Variants in KIAA1217 observed in about 807,000 individuals in gnomAD.
KIAA1217 encodes KIAA1217, also known as sickle tail protein homolog.
A neutral mutation model predicts 163.9 loss-of-function variants in KIAA1217; 88 were observed. The ratio of observed to expected loss-of-function variants is 0.54; its 90% confidence interval spans 0.45 to 0.64. KIAA1217 has a LOEUF of 0.64. Ranked by LOEUF, KIAA1217 falls within the 30% of genes least tolerant of loss-of-function variation. The probability of loss-of-function intolerance (pLI) is 0.00; values close to 1 mark genes in which losing one functional copy is unlikely to be tolerated. For missense variants in KIAA1217, 2,372 were observed against 2,475.0 expected (o/e 0.96, Z 0.88); for synonymous variants, 903 against 923.1 (o/e 0.98, Z 0.39).
chr10:24,479,137 ACTTAGCAGAACCTT>A (rs2064358992), intron 6 of KIAA1217, among the ~76,000 whole-genome samples: 1 of 152,220 alleles, frequency 6.6e-6, no homozygotes, highest in Non-Finnish European at 1.5e-5. Context: ...GGCATGGTAG[ACTTAGCAGAACCTT>A]CTGTGTACAG....
At chr10:24,178,038 A>T (rs2065992480) in intron 2 of KIAA1217, among the ~76,000 whole-genome samples, 1 of 152,194 alleles carries the variant, frequency 6.6e-6, no homozygotes, top group African/African-American at 2.4e-5. Context: ...AGTAACACCG[A>T]TGTACAGCTA....
rs34205608 is a variant in KIAA1217 at position 24,141,225 on chromosome 10, ACC to A, written c.-170-78390_-170-78389del. ...CTCTTAATGCTCAGAGAAAGAATAA[ACC>A]CCCCCCCCCCATTTCTCTCTTCTTT... is the stretch of plus-strand genomic sequence containing the variant. On this transcript the variant is annotated intron_variant, in intron 2 of 18. Transcript: ENST00000376462. 1.2e-3 allele frequency among the ~76,000 whole-genome samples: 94 copies of A among 76,294 alleles called. 2 individuals are homozygous for A. Among genetic ancestry groups the A allele is most frequent in the African/African-American group, 3.4e-3 (74 of 22,082 alleles). The allele number at this position is 76,294 out of a possible 152,430, so 50.1% of individuals were successfully genotyped here.
In KIAA1217 at chr10:24,546,402, G is replaced by C; in HGVS notation, c.*78G>C. Reference sequence around the variant, plus strand: ...GTCTACAACAACTGTTTTCACAAGAGAATGTAACATATTGCTGTATCGTTT... The same window carrying C: ...GTCTACAACAACTGTTTTCACAAGACAATGTAACATATTGCTGTATCGTTT... On this transcript the variant is annotated 3_prime_UTR_variant, in exon 21 of 21. Transcript: ENST00000376454. 1 of 1,360,572 alleles carries C rather than the reference G, an allele frequency of 7.3e-7. No individual in the cohort carries two copies. Among genetic ancestry groups the C allele is most frequent in the South Asian group, 1.4e-5 (1 of 69,162 alleles). 84.3% of individuals were successfully genotyped at this position (1,360,572 alleles called of 1,614,324 possible). A position where few individuals can be genotyped will look rare whatever the true frequency, so the allele number is the denominator to read the frequency against.
chr10:23,994,586 G>A (rs1201039950), intron 1 of KIAA1217, among the ~76,000 whole-genome samples: 1 of 152,182 alleles, frequency 6.6e-6, no homozygotes, highest in Non-Finnish European at 1.5e-5. Context: ...CGCTGTGGAA[G>A]CCAAGATCAT....
At chr10:23,975,982 T>A (rs190281809) in intron 1 of KIAA1217, among the ~76,000 whole-genome samples, 2 of 152,298 alleles carry the variant, frequency 1.3e-5, no homozygotes. Context: ...TAGGGACTGC[T>A]CTTGTTAGCA....
At chr10:23,803,170 A>G (rs1836555595) in intron 1 of KIAA1217, among the ~76,000 whole-genome samples, 1 of 152,148 alleles carries the variant, frequency 6.6e-6, no homozygotes, top group Non-Finnish European at 1.5e-5. Context: ...AGAAGACTGG[A>G]TTTATAATTT....
At chr10:24,369,179 A>ATGTCTGTGTG (rs2051211114) in intron 2 of KIAA1217, among the ~76,000 whole-genome samples, 3 of 139,530 alleles carry the variant, frequency 2.2e-5, no homozygotes, top group Middle Eastern at 3.4e-3. Context: ...AACTTTCACT[A>ATGTCTGTGTG]TGTGTGTGTG....
intron 2 of KIAA1217, among the ~76,000 whole-genome samples, chr10:24,148,952 C>A (rs1356892991): frequency 6.6e-6 from 1 of 152,106 alleles, no homozygotes; most frequent in African/African-American, 2.4e-5. Flanking sequence ...ATGGAAACTT[C>A]TGTGAGTTTT....
intron 2 of KIAA1217, among the ~76,000 whole-genome samples, chr10:24,350,512 C>G (rs2048327204): frequency 6.6e-6 from 1 of 152,276 alleles, no homozygotes; most frequent in African/African-American, 2.4e-5. Context: ...TGTTGATTAT[C>G]TGCTTTTGAT....
rs779250451 is a variant in KIAA1217 at position 24,380,889 on chromosome 10, T to A, written c.375T>A (p.Ser125=). Residue 125 remains serine, a synonymous_variant, in exon 3 of 21, where the codon TCT becomes TCA. Coordinates refer to ENST00000376454, the MANE Select transcript of KIAA1217 (RefSeq NM_019590.5). Reference sequence around the variant, plus strand: ...TGCAGACAAGGAGCCCCAAACTGTCTCACAGTCCTCAACCACCCAGTCTGG... The same window carrying A: ...TGCAGACAAGGAGCCCCAAACTGTCACACAGTCCTCAACCACCCAGTCTGG... ...LRDQTRSPKL[S]HSPQPPSLGD... 8.2e-5 allele frequency: 128 copies of A among 1,566,302 alleles called. 1 individual carries two copies. In the East Asian group the frequency reaches 2.9e-3, roughly 35 times the overall value.
chr10:23,914,393 C>T (rs181417686), intron 1 of KIAA1217, among the ~76,000 whole-genome samples: 11 of 152,288 alleles, frequency 7.2e-5, no homozygotes, highest in African/African-American at 2.6e-4. Context: ...TAGCTCACTG[C>T]AGCCTCCAAT....
intron 1 of KIAA1217, among the ~76,000 whole-genome samples, chr10:23,891,919 T>C (rs753238050): frequency 1.1e-4 from 17 of 151,974 alleles, no homozygotes; most frequent in Non-Finnish European, 2.1e-4. Context: ...ACATTAAGTA[T>C]CAACTACTCA....
chr10:24,379,417 T>C (rs2052983070), intron 2 of KIAA1217, among the ~76,000 whole-genome samples: 1 of 152,202 alleles, frequency 6.6e-6, no homozygotes, highest in South Asian at 2.1e-4. Flanking sequence ...TCCTTTCTGG[T>C]CATGATATTG....
intron 6 of KIAA1217, among the ~76,000 whole-genome samples, chr10:24,483,811 T>C (rs1422210041): frequency 2.6e-5 from 4 of 152,198 alleles, no homozygotes; most frequent in Non-Finnish European, 5.9e-5. Flanking sequence ...ATGTTCCAGA[T>C]TAGCCTCAGG....
chr10:23,907,522 A>G (rs1400795236), intron 1 of KIAA1217, among the ~76,000 whole-genome samples: 6 of 152,064 alleles, frequency 3.9e-5, no homozygotes. Context: ...CAGAAGAGAC[A>G]ATGGTCCTGG....
intron 2 of KIAA1217, among the ~76,000 whole-genome samples, chr10:24,313,749 CA>C (rs1272903860): frequency 6.6e-6 from 1 of 151,502 alleles, no homozygotes; most frequent in African/African-American, 2.4e-5. Flanking sequence ...ATGTTTTTTT[CA>C]TCCAACACCA....
At chr10:24,235,488 GTA>G (rs1354116560) in intron 2 of KIAA1217, among the ~76,000 whole-genome samples, 3 of 152,206 alleles carry the variant, frequency 2.0e-5, no homozygotes, top group Non-Finnish European at 4.4e-5. Flanking sequence ...CTTACGAAAT[GTA>G]TATGTGTTGT....
At chr10:23,907,953 T>C (rs1410616120) in intron 1 of KIAA1217, among the ~76,000 whole-genome samples, 1 of 150,150 alleles carries the variant, frequency 6.7e-6, no homozygotes. Context: ...AAAAAAAAGA[T>C]GTGAAGAAGA....
chr10:23,837,996 C>A (rs1838573659), intron 1 of KIAA1217, among the ~76,000 whole-genome samples: 1 of 152,160 alleles, frequency 6.6e-6, no homozygotes, highest in Non-Finnish European at 1.5e-5. Flanking sequence ...TGCCAGCAGC[C>A]CTAACCCTCT....
Sources: gnomAD v4.1 joint callset for allele counts (sites outside exome capture counted in the v4.1 genomes callset) on GRCh38, gnomAD v4.1.1 for gene constraint, MANE v1.5 for transcripts, NCBI Gene and HGNC (gene_info 2026-07-23, HGNC 2026-07-21) for gene names.